Variants in DSCAML1 observed in about 807,000 individuals in gnomAD.
DSCAML1 encodes cell adhesion molecule DSCAML1.
Under a neutral mutation model 200.5 loss-of-function variants are expected in DSCAML1, and 38 were observed. That is an observed-to-expected ratio of 0.19 (90% confidence interval 0.15 to 0.25). DSCAML1 has a LOEUF of 0.25. Ranked by LOEUF, DSCAML1 falls within the 10% of genes least tolerant of loss-of-function variation. The pLI is 1.00. For synonymous variants in DSCAML1, 1,215 were observed against 1,165.0 expected, an observed-to-expected ratio of 1.04 and a Z score of -0.87; for missense variants, 2,223 against 2,858.8, an observed-to-expected ratio of 0.78 and a Z score of 5.07.
At chr11:117,669,590 G>A (rs1158584835) in intron 3 of DSCAML1, among the ~76,000 whole-genome samples, 1 of 152,232 alleles carries the variant, frequency 6.6e-6, no homozygotes, top group African/African-American at 2.4e-5. Flanking sequence ...ATGTAGTTAG[G>A]AAGACCAGAT....
Position 117,450,465 on chromosome 11 carries a change from G to A in DSCAML1, c.3708+84C>T, listed in dbSNP as rs140871374. On this transcript the variant is annotated intron_variant, in intron 20 of 32. Transcript: ENST00000651296. Reference sequence around the variant, plus strand: ...GAAGCTCAGATACAGGCAGCCTCAGGGTTTGGCCTGGAAGCCGGCTGATGT... The same window carrying A: ...GAAGCTCAGATACAGGCAGCCTCAGAGTTTGGCCTGGAAGCCGGCTGATGT... The A allele has an allele frequency of 2.0e-4, 304 of 1,536,020 alleles. 1 individual carries two copies. The African/African-American group carries it at 3.8e-3, about 19-fold the overall frequency.
chr11:117,810,062 C>T (rs1412652398), intron 1 of DSCAML1, among the ~76,000 whole-genome samples: 2 of 150,606 alleles, frequency 1.3e-5, no homozygotes, highest in African/African-American at 5.0e-5. Context: ...CACACATTCA[C>T]ACACTCACTT....
At chr11:117,512,643 TACACACACACACACACACAC>T (rs71037481) in intron 8 of DSCAML1, among the ~76,000 whole-genome samples, 3 of 125,140 alleles carry the variant, frequency 2.4e-5, no homozygotes, top group Non-Finnish European at 5.1e-5. Flanking sequence ...CAAGCGTGTG[TACACACACACACACACACAC>T]ACACACACAC....
intron 3 of DSCAML1, among the ~76,000 whole-genome samples, chr11:117,621,191 C>G (rs1023402373): frequency 1.3e-5 from 2 of 152,344 alleles, no homozygotes; most frequent in African/African-American, 4.8e-5. Context: ...GCTTCTACCA[C>G]TTACTAGCTG....
chr11:117,740,239 C>A (rs1204309879), intron 3 of DSCAML1, among the ~76,000 whole-genome samples: 2 of 152,180 alleles, frequency 1.3e-5, no homozygotes, highest in Non-Finnish European at 2.9e-5. Context: ...CTATTAAGCC[C>A]ATTTTACTGA....
chr11:117,799,427 C>T (rs1452463406), upstream of DSCAML1, among the ~76,000 whole-genome samples: 1 of 152,042 alleles, frequency 6.6e-6, no homozygotes, highest in Non-Finnish European at 1.5e-5. Context: ...CAAGTACCTC[C>T]TACAACCTGA....
In DSCAML1 at chr11:117,480,673, C is replaced by T. The variant is rs2048896491; in HGVS notation, c.2657-102G>A. The T allele has an allele frequency of 7.2e-6, 10 of 1,382,700 alleles. No homozygotes were observed. In the Admixed American group the frequency reaches 2.0e-4, roughly 28 times the overall value. The allele number at this position is 1,382,700 out of a possible 1,614,324, so 85.7% of individuals were successfully genotyped here. A position where few individuals can be genotyped will look rare whatever the true frequency, so the allele number is the denominator to read the frequency against. ...GGCATCACCTGGGTCTAGCCAAGGA[C>T]TCTGGCACCCTAGGGTTTGAGCAGG... is the stretch of plus-strand genomic sequence containing the variant. On this transcript the variant is annotated intron_variant, in intron 13 of 32. Transcript: ENST00000651296. The surrounding 1 kb of genome is among the most constrained non-coding windows in gnomAD (Gnocchi z 4.1).
intron 3 of DSCAML1, among the ~76,000 whole-genome samples, chr11:117,559,889 G>A (rs2050629417): frequency 6.6e-6 from 1 of 152,140 alleles, no homozygotes; most frequent in Non-Finnish European, 1.5e-5. Flanking sequence ...TGGGATACAG[G>A]AAGGAAGGGC....
At chr11:117,793,966 G>T (rs1379361735) in intron 1 of DSCAML1, among the ~76,000 whole-genome samples, 6 of 151,910 alleles carry the variant, frequency 3.9e-5, no homozygotes, top group Non-Finnish European at 1.5e-5. Flanking sequence ...GTATTCACTG[G>T]CCCTTCGCCT....
At chr11:117,667,686 C>T (rs1401612359) in intron 3 of DSCAML1, among the ~76,000 whole-genome samples, 1 of 152,216 alleles carries the variant, frequency 6.6e-6, no homozygotes, top group African/African-American at 2.4e-5. Context: ...CCTCAAAAGC[C>T]ACCTCCTGAC....
At chr11:117,679,158 G>A (rs2053268746) in intron 3 of DSCAML1, among the ~76,000 whole-genome samples, 1 of 152,238 alleles carries the variant, frequency 6.6e-6, no homozygotes, top group East Asian at 1.9e-4. Context: ...GTGGGACGAT[G>A]CGTGTTAGGC....
intron 20 of DSCAML1, among the ~76,000 whole-genome samples, chr11:117,449,437 C>A (rs1247118025): frequency 6.6e-6 from 1 of 152,068 alleles, no homozygotes; most frequent in Non-Finnish European, 1.5e-5. Flanking sequence ...GGGAGCTGGG[C>A]CACCTACCAC....
chr11:117,759,299 G>A (rs570713630), intron 3 of DSCAML1, among the ~76,000 whole-genome samples: 2 of 152,312 alleles, frequency 1.3e-5, no homozygotes, highest in African/African-American at 2.4e-5. Context: ...AAGAGGGAGG[G>A]GGAAATAGAG....
At chr11:117,690,536 G>A (rs1174667038) in intron 3 of DSCAML1, among the ~76,000 whole-genome samples, 1 of 152,268 alleles carries the variant, frequency 6.6e-6, no homozygotes, top group Non-Finnish European at 1.5e-5. Flanking sequence ...GAGCTGGAAG[G>A]ATTAGGGATC....
Position 117,771,604 on chromosome 11 carries a change from T to C in DSCAML1, c.511+5187A>G, listed in dbSNP as rs550796568. Among the ~76,000 whole-genome samples the C allele has an allele frequency of 1.1e-4, 16 of 152,298 alleles. No individual in the cohort carries two copies. In the East Asian group the frequency reaches 3.1e-3, roughly 29 times the overall value. On this transcript the variant is annotated intron_variant, in intron 3 of 32. Coordinates refer to ENST00000651296, the MANE Select transcript of DSCAML1 (RefSeq NM_020693.4). ...AAACCTAAGGACACCCGATTCCTAA[T>C]GATTCCCAGTCTGCTCCAGAGAGGC... is the stretch of plus-strand genomic sequence containing the variant.
At chr11:117,496,402 G>A (rs139856425) in intron 11 of DSCAML1, among the ~76,000 whole-genome samples, 2 of 152,326 alleles carry the variant, frequency 1.3e-5, no homozygotes, top group East Asian at 3.9e-4. Flanking sequence ...CATTGGGGGA[G>A]CAATTCTGGG....
At chr11:117,526,276 G>A (rs1941390) in intron 4 of DSCAML1, among the ~76,000 whole-genome samples, 35,947 of 152,000 alleles carry the variant, frequency 0.24, 4,467 homozygotes, top group East Asian at 0.35. Flanking sequence ...ATCTGGGCCA[G>A]TGAGTCGGCC....
At chr11:117,578,311 C>T (rs1287919813) in intron 3 of DSCAML1, among the ~76,000 whole-genome samples, 4 of 151,976 alleles carry the variant, frequency 2.6e-5, no homozygotes, top group Admixed American at 6.6e-5. Flanking sequence ...TCCCAATCCC[C>T]CTTCTCCCTC....
At position 117,437,194 on chromosome 11, in the gene DSCAML1, G is replaced by A. The variant is rs776238396; in HGVS notation, c.4648C>T (p.Arg1550Cys). The A allele has an allele frequency of 1.1e-5, 17 of 1,614,058 alleles. No individual in the cohort carries two copies. The highest frequency in any genetic ancestry group is 1.7e-5 in the Admixed American group (1 of 60,004). Residue 1550 changes from arginine to cysteine, a missense_variant, in exon 26 of 33, where the codon CGC (arginine) becomes TGC (cysteine). Transcript: ENST00000651296. The surrounding 1 kb of genome is among the most constrained non-coding windows in gnomAD (Gnocchi z 5.3). The part of the protein sequence containing the change: ...ELREATWYEL[R>C]MRACNSAGCG... ...CCCGCACTGTTGCAAGCCCTCATGCGCAGCTCGTACCACGTGGCCTCTCGC... is the reference window on the plus strand; with the variant it reads ...CCCGCACTGTTGCAAGCCCTCATGCACAGCTCGTACCACGTGGCCTCTCGC...
Sources: allele counts gnomAD v4.1 joint callset (sites outside exome capture counted in the v4.1 genomes callset), GRCh38; gene constraint gnomAD v4.1.1; non-coding constraint Gnocchi (gnomAD v3.1); transcripts MANE v1.5; gene names NCBI Gene and HGNC (gene_info 2026-07-23, HGNC 2026-07-21).